The following PRPF31 variants were observed in gnomAD, a reference collection of about 807,000 sequenced individuals.
The protein encoded by PRPF31 is pre-mRNA processing factor 31.
In PRPF31, 12 loss-of-function variants were observed where a neutral mutation model predicts 60.4. That is an observed-to-expected ratio of 0.20 (90% confidence interval 0.13 to 0.32). The LOEUF (loss-of-function observed/expected upper bound fraction) is 0.32. PRPF31 is among the 10% of genes least tolerant of loss of function. PRPF31 has a pLI of 1.00. For missense variants in PRPF31, 431 were observed against 687.1 expected (o/e 0.63, Z 4.17); for synonymous variants, 287 against 287.9 (o/e 1.00, Z 0.03).
In PRPF31 at chr19:54,124,845, A is replaced by C. The variant is rs1444249638; in HGVS notation, c.855+189A>C. ...AGCTCCAGCACCCACCAGTCAGGTG[A>C]CTGTGGGCAAGAGGCATGAGCGCCC... On this transcript the variant is annotated intron_variant, in intron 8 of 13. Transcript: ENST00000321030. 5.8e-6 allele frequency: 4 copies of C among 690,862 alleles called. No homozygotes were observed. The African/African-American group carries it at 7.0e-5, about 12-fold the overall frequency. The allele number at this position is 690,862 out of a possible 1,614,324, so 42.8% of individuals were successfully genotyped here. A position where few individuals can be genotyped will look rare whatever the true frequency, so the allele number is the denominator to read the frequency against.
chr19:54,125,522 G>C (rs1029458142), intron 8 of PRPF31, among the ~76,000 whole-genome samples: 7 of 150,850 alleles, frequency 4.6e-5, no homozygotes, highest in Non-Finnish European at 7.4e-5. Context: ...AAGCAAGACA[G>C]GTTCTGGGAC....
intron 7 of PRPF31, 70 bp from the exon 8 acceptor site, chr19:54,124,429 C>T: frequency 2.2e-6 from 3 of 1,334,624 alleles, no homozygotes; most frequent in Non-Finnish European, 2.1e-6. Context: ...AGCCCCCAGG[C>T]AGATTTACTC....
At chr19:54,126,332 C>T (rs1184038940) in intron 8 of PRPF31, among the ~76,000 whole-genome samples, 196 bp from the exon 9 acceptor site, 1 of 152,202 alleles carries the variant, frequency 6.6e-6, no homozygotes, top group Non-Finnish European at 1.5e-5. Flanking sequence ...TCAGCTGGGA[C>T]ATGGCTCTGT....
intron 13 of PRPF31, among the ~76,000 whole-genome samples, chr19:54,130,549 C>T (rs1305084059): frequency 2.6e-5 from 4 of 151,498 alleles, no homozygotes; most frequent in Non-Finnish European, 5.9e-5. Context: ...GGCGTGAACC[C>T]GGGAGGCGGA....
rs748028028 is a variant in PRPF31, at chr19:54,124,481, C to T, written c.698-18C>T. 8 of 1,499,782 alleles carry T rather than the reference C, an allele frequency of 5.3e-6. No individual in the cohort carries two copies. The highest frequency in any genetic ancestry group is 7.2e-6 in the Non-Finnish European group (8 of 1,108,684). 92.9% of individuals were successfully genotyped at this position (1,499,782 alleles called of 1,614,324 possible). ...TTTCTTCTGACCGCCCCCCCTTCCT[C>T]CCTCCCTCCCACCGCAGGTGTGGCC... On this transcript the variant is annotated intron_variant, in intron 7 of 13. Transcript: ENST00000321030.
rs768007108 is a variant in PRPF31, at chr19:54,126,507, C to T, written c.856-21C>T. ...TCTGTCTGTCTCACACAGATTCCAC[C>T]CCCGTTTTCCGTTGCTCCAGGATCT... On this transcript the variant is annotated intron_variant, in intron 8 of 13. Transcript: ENST00000321030. 11 of 1,607,626 alleles carry T rather than the reference C, an allele frequency of 6.8e-6. 1 individual carries two copies. Among genetic ancestry groups the T allele is most frequent in the South Asian group, 3.3e-5 (3 of 90,070 alleles).
intron 1 of PRPF31, 52 bp downstream of exon 1, chr19:54,115,849 GAGA>G (rs2073617142): frequency 4.9e-6 from 1 of 204,662 alleles, no homozygotes; most frequent in African/African-American, 2.3e-5. Flanking sequence ...CTGGGTCTGG[GAGA>G]AGAAGTGTGT....
Position 54,126,522 on chromosome 19 carries a change from C to A in PRPF31, c.856-6C>A. ...CAGATTCCACCCCCGTTTTCCGTTGCTCCAGGATCTGCGGCGGAAAGCGGC... is the reference window on the plus strand; with the variant it reads ...CAGATTCCACCCCCGTTTTCCGTTGATCCAGGATCTGCGGCGGAAAGCGGC... On this transcript the variant is annotated splice_polypyrimidine_tract_variant and splice_region_variant and intron_variant, in intron 8 of 13. Transcript: ENST00000321030. 1 of 1,612,516 alleles carries A rather than the reference C, an allele frequency of 6.2e-7. No homozygotes were observed. The highest frequency in any genetic ancestry group is 8.5e-7 in the Non-Finnish European group (1 of 1,179,384).
At chr19:54,127,043 C>T (rs1270889045) in intron 9 of PRPF31, among the ~76,000 whole-genome samples, 2 of 152,170 alleles carry the variant, frequency 1.3e-5, no homozygotes, top group Non-Finnish European at 2.9e-5. Flanking sequence ...TTGCTTGAAC[C>T]TGGGAGACGG....
At position 54,122,750 on chromosome 19, in the gene PRPF31, C is replaced by T. The variant is rs587680639; in HGVS notation, c.420+156C>T. On this transcript the variant is annotated intron_variant, in intron 5 of 13. Coordinates refer to ENST00000321030, the MANE Select transcript of PRPF31 (RefSeq NM_015629.4). ...TCTGCCCAGCGTGGGAGGGACGGAG[C>T]CTGGACAGGACTTTCTCAGGGCTCC... is the stretch of plus-strand genomic sequence containing the variant. The T allele has an allele frequency of 2.6e-5, 19 of 724,520 alleles. No homozygotes were observed. In the East Asian group the frequency reaches 5.0e-4, roughly 19 times the overall value. The allele number at this position is 724,520 out of a possible 1,614,324, so 44.9% of individuals were successfully genotyped here.
intron 13 of PRPF31, among the ~76,000 whole-genome samples, chr19:54,129,725 G>A (rs587686606): frequency 1.0e-4 from 15 of 148,202 alleles, no homozygotes; most frequent in South Asian, 2.3e-4. Flanking sequence ...GACCCCACTC[G>A]AGAAAGTTCC....
At chr19:54,123,409 T>C (rs1311275816) in intron 5 of PRPF31, 45 bp from the exon 6 acceptor site, 2 of 1,475,530 alleles carry the variant, frequency 1.4e-6, no homozygotes, top group Non-Finnish European at 1.9e-6. Flanking sequence ...TTCTCGAGCC[T>C]TCCTGAGTTC....
chr19:54,122,118 C>T, intron 4 of PRPF31, 175 bp downstream of exon 4: 5 of 737,752 alleles, frequency 6.8e-6, no homozygotes, highest in Non-Finnish European at 1.2e-5. Context: ...GCGTATGAGT[C>T]TGAGGAGCAC....
rs868534538 is a variant in PRPF31, at chr19:54,129,698, G to A, written c.1374+328G>A. On this transcript the variant is annotated intron_variant, in intron 13 of 13. Transcript: ENST00000321030. ...CCCTCCAGTTCAAAACGGCCAGGAC[G>A]GTTAAGGTAACCTCAGGACCCCACT... is the stretch of plus-strand genomic sequence containing the variant. Among the ~76,000 whole-genome samples the A allele has an allele frequency of 1.0e-4, 15 of 144,508 alleles. No individual in the cohort carries two copies. The South Asian group carries it at 3.4e-3, about 33-fold the overall frequency. The allele number at this position is 144,508 out of a possible 152,430, so 94.8% of individuals were successfully genotyped here.
chr19:54,124,475 C>A (rs778804998), intron 7 of PRPF31, 24 bp from the exon 8 acceptor site: 4 of 1,583,430 alleles, frequency 2.5e-6, no homozygotes, highest in East Asian at 4.5e-5. Context: ...ACCGCCCCCC[C>A]TTCCTCCCTC....
At chr19:54,126,759 T>G in intron 9 of PRPF31, 142 bp downstream of exon 9, 2 of 865,956 alleles carry the variant, frequency 2.3e-6, no homozygotes, top group Non-Finnish European at 3.8e-6. Context: ...CCACCCTCCC[T>G]GGGGTCAGGC....
In PRPF31 at chr19:54,123,062, G is replaced by A. The variant is rs1213118066; in HGVS notation, c.421-392G>A. 9 of 455,096 alleles carry A rather than the reference G, an allele frequency of 2.0e-5. No homozygotes were observed. In the Admixed American group the frequency reaches 2.1e-4, roughly 10 times the overall value. 28.2% of individuals were successfully genotyped at this position (455,096 alleles called of 1,614,324 possible). On this transcript the variant is annotated intron_variant, in intron 5 of 13. Transcript: ENST00000321030. ...TTTCGGAAAAGAGGGGCAGGTGTGC[G>A]TGAGGGCGGGGAGAGGAGGAGGTCC...
intron 13 of PRPF31, among the ~76,000 whole-genome samples, chr19:54,130,833 C>A (rs1190849557): frequency 2.6e-5 from 4 of 152,098 alleles, no homozygotes; most frequent in Admixed American, 6.5e-5. Flanking sequence ...GCACTGGGCT[C>A]ACCATTAGAG....
chr19:54,118,212 G>A (rs1159711156), intron 1 of PRPF31, 59 bp from the exon 2 acceptor site: 34 of 1,611,352 alleles, frequency 2.1e-5, no homozygotes, highest in Non-Finnish European at 2.6e-5. Flanking sequence ...TCATCGCTCA[G>A]TAATAAGGAG....
Sources: gnomAD v4.1 joint callset for allele counts (sites outside exome capture counted in the v4.1 genomes callset) on GRCh38, gnomAD v4.1.1 for gene constraint, MANE v1.5 for transcripts, NCBI Gene and HGNC (gene_info 2026-07-23, HGNC 2026-07-21) for gene names.